CLN8: variants seen among roughly 807,000 people sequenced by gnomAD.
The protein encoded by CLN8 is CLN8 transmembrane ER and ERGIC protein, also known as protein CLN8.
A neutral mutation model predicts 15.7 loss-of-function variants in CLN8; 14 were observed. That is an observed-to-expected ratio of 0.89 (90% confidence interval 0.59 to 1.39). The LOEUF is 1.39. Among genes scored for constraint, CLN8 ranks in the 40% most tolerant of loss-of-function variants. CLN8 has a pLI of 0.00. For synonymous variants in CLN8, 188 were observed against 151.0 expected (o/e 1.25, Z -1.80); for missense variants, 415 against 364.0 (o/e 1.14, Z -1.14).
At chr8:1,760,223 G>C (rs1385273872), upstream of CLN8, 2 of 152,166 alleles carry the variant, frequency 1.3e-5, no homozygotes, top group Non-Finnish European at 2.9e-5. Context: ...GCCTGCGTCA[G>C]ACACCTGTGA....
At position 1,784,447 on chromosome 8, in the gene CLN8, GA is replaced by G. The variant is rs1263548789; in HGVS notation, c.*3881del. 2 of 152,254 alleles carry G rather than the reference GA, an allele frequency of 1.3e-5. No individual in the cohort carries two copies. Among genetic ancestry groups the G allele is most frequent in the Admixed American group, 1.3e-4 (2 of 15,276 alleles). 9.4% of individuals were successfully genotyped at this position (152,254 alleles called of 1,614,324 possible). ...AGCTAGTTCTCCGCTGCCTTTTTAT[GA>G]GGCATTAAGCCATTTGCAAGAGTAG... On this transcript the variant is annotated 3_prime_UTR_variant, in exon 3 of 3. Coordinates refer to ENST00000331222, the MANE Select transcript of CLN8 (RefSeq NM_018941.4).
intron 2 of CLN8, among the ~76,000 whole-genome samples, chr8:1,774,395 T>C (rs1447260318): frequency 2.0e-5 from 3 of 152,246 alleles, no homozygotes; most frequent in African/African-American, 7.2e-5. Context: ...AGTTCTATTT[T>C]GCTCTAGTTG....
rs140157679 is a variant in CLN8 at position 1,777,266 on chromosome 8, A to G, written c.544-2984A>G. Reference sequence around the variant, plus strand: ...GTATAGTAAAAATACCATGTTAAAGATGAAAAATGGCACACCTGTGCAGGG... The same window carrying G: ...GTATAGTAAAAATACCATGTTAAAGGTGAAAAATGGCACACCTGTGCAGGG... On this transcript the variant is annotated intron_variant, in intron 2 of 2. Transcript: ENST00000331222. Among the ~76,000 whole-genome samples the G allele has an allele frequency of 3.3e-5, 5 of 152,324 alleles. No individual in the cohort carries two copies. In the East Asian group the frequency reaches 7.7e-4, roughly 24 times the overall value.
chr8:1,776,218 A>T (rs1291345205), intron 2 of CLN8, among the ~76,000 whole-genome samples: 2 of 151,600 alleles, frequency 1.3e-5, no homozygotes, highest in Non-Finnish European at 2.9e-5. Context: ...CTTGCATGTG[A>T]CTGTGCTTCT....
intron 2 of CLN8, 35 bp downstream of exon 2, chr8:1,771,632 C>T: frequency 6.3e-7 from 1 of 1,590,542 alleles, no homozygotes; most frequent in East Asian, 2.2e-5. Flanking sequence ...TGACATGTGC[C>T]TCACGCATTT....
chr8:1,757,824 C>T (rs1286858331), intron 1 of CLN8, among the ~76,000 whole-genome samples: 2 of 152,110 alleles, frequency 1.3e-5, no homozygotes, highest in Non-Finnish European at 2.9e-5. Context: ...TCTTTGGGTA[C>T]TGATAATTAC....
chr8:1,774,944 G>T (rs1801454196), intron 2 of CLN8, among the ~76,000 whole-genome samples: 1 of 152,176 alleles, frequency 6.6e-6, no homozygotes, highest in Non-Finnish European at 1.5e-5. Flanking sequence ...TTACGCCACT[G>T]CACTCCAGCC....
At position 1,784,888 on chromosome 8, in the gene CLN8, A is replaced by T. The variant is rs1293317370; in HGVS notation, c.*4321A>T. The T allele has an allele frequency of 6.6e-6, 1 of 152,394 alleles. No individual in the cohort carries two copies. Among genetic ancestry groups the T allele is most frequent in the African/African-American group, 2.4e-5 (1 of 41,452 alleles). 9.4% of individuals were successfully genotyped at this position (152,394 alleles called of 1,614,324 possible). A position where few individuals can be genotyped will look rare whatever the true frequency, so the allele number is the denominator to read the frequency against. On this transcript the variant is annotated 3_prime_UTR_variant, in exon 3 of 3. Transcript: ENST00000331222. ...CTGGAGGTGATGTCCTCAGTAGAGA[A>T]CGGTGGCCACTGGAAACGTGTGGCC...
intron 1 of CLN8, among the ~76,000 whole-genome samples, chr8:1,766,190 A>G (rs765587610): frequency 3.3e-5 from 5 of 152,182 alleles, no homozygotes; most frequent in Admixed American, 6.5e-5. Context: ...AGAATCTTAT[A>G]AGACAAGCTT....
chr8:1,780,125 A>G lies in CLN8; in HGVS notation c.544-125A>G, dbSNP rs2129015146. On this transcript the variant is annotated intron_variant, in intron 2 of 2. Coordinates refer to ENST00000331222, the MANE Select transcript of CLN8 (RefSeq NM_018941.4). Reference sequence around the variant, plus strand: ...ATGAGAGCAGAGCCCTGGGGAGGAAATTCTTTTGCTTTGAAATGAATTTGT... The same window carrying G: ...ATGAGAGCAGAGCCCTGGGGAGGAAGTTCTTTTGCTTTGAAATGAATTTGT... 1.9e-6 allele frequency: 3 copies of G among 1,553,782 alleles called. No individual in the cohort carries two copies. In the South Asian group the frequency reaches 3.5e-5, roughly 18 times the overall value.
chr8:1,781,405 G>A lies in CLN8; in HGVS notation c.*838G>A, dbSNP rs995112495. On this transcript the variant is annotated 3_prime_UTR_variant, in exon 3 of 3. Transcript: ENST00000331222. The stretch of plus-strand genomic sequence containing the variant: ...AAAAAAATTCTAGACCGAAGTGTAC[G>A]GCAGTGCCATCTGGTGGCAAGTGGT... 2.2e-5 allele frequency: 2 copies of A among 89,502 alleles called. No individual in the cohort carries two copies. The highest frequency in any genetic ancestry group is 9.0e-5 in the African/African-American group (2 of 22,302). 5.5% of individuals were successfully genotyped at this position (89,502 alleles called of 1,614,324 possible).
At chr8:1,767,427 T>A (rs1222676851) in intron 1 of CLN8, among the ~76,000 whole-genome samples, 1 of 152,192 alleles carries the variant, frequency 6.6e-6, no homozygotes, top group Non-Finnish European at 1.5e-5. Flanking sequence ...TCTGTAGATA[T>A]GGTAATCTCT....
chr8:1,753,374 C>A (rs1271474370), upstream of CLN8, among the ~76,000 whole-genome samples: 1 of 151,902 alleles, frequency 6.6e-6, no homozygotes. Context: ...AGTTCGAGAC[C>A]AGCCTGGCCA....
chr8:1,766,334 A>G (rs1280708482), intron 1 of CLN8, among the ~76,000 whole-genome samples: 1 of 151,526 alleles, frequency 6.6e-6, no homozygotes, highest in South Asian at 2.1e-4. Context: ...AGGGCTTGGA[A>G]GCCTTCCAGA....
chr8:1,785,189 T>C lies in CLN8; in HGVS notation c.*4622T>C. ...CGCGAGGGTCTCCCGCTCCTCAGGC[T>C]TGCGGCTCGGCCGCGAAGTGTGTCA... On this transcript the variant is annotated 3_prime_UTR_variant, in exon 3 of 3. Transcript: ENST00000331222. The C allele has an allele frequency of 6.0e-6, 1 of 166,202 alleles. No individual in the cohort carries two copies. The highest frequency in any genetic ancestry group is 1.3e-5 in the Non-Finnish European group (1 of 75,268). The allele number at this position is 166,202 out of a possible 1,614,324, so 10.3% of individuals were successfully genotyped here. A position where few individuals can be genotyped will look rare whatever the true frequency, so the allele number is the denominator to read the frequency against.
At chr8:1,772,697 C>G (rs1801364080) in intron 2 of CLN8, among the ~76,000 whole-genome samples, 1 of 151,992 alleles carries the variant, frequency 6.6e-6, no homozygotes, top group Non-Finnish European at 1.5e-5. Context: ...CCAGGCTGGT[C>G]TTGAACTCCT....
upstream of CLN8, among the ~76,000 whole-genome samples, chr8:1,753,825 G>C (rs1800607046): frequency 6.6e-6 from 1 of 151,498 alleles, no homozygotes; most frequent in African/African-American, 2.4e-5. Flanking sequence ...GGCAGAGGTT[G>C]CACTGAGCTG....
upstream of CLN8, chr8:1,763,374 CG>C (rs1800861254): frequency 9.5e-6 from 1 of 104,932 alleles, no homozygotes; most frequent in Non-Finnish European, 2.1e-5. Context: ...TCCACCCCGC[CG>C]CCCCACAGCG....
chr8:1,761,296 T>G (rs895790109), upstream of CLN8, among the ~76,000 whole-genome samples: 2 of 151,384 alleles, frequency 1.3e-5, no homozygotes, highest in Non-Finnish European at 2.9e-5. Flanking sequence ...ATTACTCAAA[T>G]CAATTTCCCC....
Sources: gnomAD v4.1 joint callset for allele counts (sites outside exome capture counted in the v4.1 genomes callset) on GRCh38, gnomAD v4.1.1 for gene constraint, MANE v1.5 for transcripts, NCBI Gene and HGNC (gene_info 2026-07-23, HGNC 2026-07-21) for gene names.